CNTN5: variants seen among roughly 807,000 people sequenced by gnomAD.
CNTN5 encodes contactin 5, also known as contactin-5.
Under a neutral mutation model 129.1 loss-of-function variants are expected in CNTN5, and 77 were observed. That is an observed-to-expected ratio of 0.60 (90% CI 0.50 to 0.72). The LOEUF (loss-of-function observed/expected upper bound fraction) is 0.72. Among genes scored for constraint, CNTN5 ranks in the 30% least tolerant of loss-of-function variants. The pLI, the probability that CNTN5 is intolerant of heterozygous loss-of-function variation, is 0.00. For synonymous variants in CNTN5, 509 were observed against 465.6 expected (o/e 1.09, Z -1.20); for missense variants, 1,478 against 1,328.8 (o/e 1.11, Z -1.75).
At chr11:99,699,477 A>G (rs1292949334) in intron 3 of CNTN5, among the ~76,000 whole-genome samples, 2 of 151,484 alleles carry the variant, frequency 1.3e-5, no homozygotes, top group African/African-American at 4.8e-5. Context: ...AGACTTCCAG[A>G]TTTTATTATG....
At chr11:100,033,175 G>T (rs571610311) in intron 9 of CNTN5, among the ~76,000 whole-genome samples, 2 of 152,110 alleles carry the variant, frequency 1.3e-5, no homozygotes, top group South Asian at 2.1e-4. Context: ...GAGCCCAGAC[G>T]TGCAGACTAC....
chr11:100,246,786 A>C (rs1949850214), intron 16 of CNTN5, among the ~76,000 whole-genome samples: 2 of 152,168 alleles, frequency 1.3e-5, no homozygotes, highest in Admixed American at 1.3e-4. Context: ...CAAAAGTAAA[A>C]ACATGTATAA....
intron 2 of CNTN5, among the ~76,000 whole-genome samples, chr11:99,446,096 A>AC (rs572393650): frequency 0.021 from 3,149 of 149,868 alleles, 169 homozygotes; most frequent in East Asian, 0.14. Flanking sequence ...AAAAAAAAAA[A>AC]AAAAACAACC....
intron 21 of CNTN5, among the ~76,000 whole-genome samples, chr11:100,320,564 TTTTG>T (rs1184880863): frequency 3.9e-5 from 6 of 152,316 alleles, no homozygotes; most frequent in South Asian, 2.1e-4. Flanking sequence ...CATTTGGTTT[TTTTG>T]TTTGTTTGTT....
chr11:100,058,012 C>T (rs887609605), intron 9 of CNTN5, among the ~76,000 whole-genome samples: 1 of 152,040 alleles, frequency 6.6e-6, no homozygotes, highest in Non-Finnish European at 1.5e-5. Context: ...GCAGAGCTAC[C>T]TCTATACCCA....
At chr11:99,858,362 A>G (rs1043694933) in intron 6 of CNTN5, among the ~76,000 whole-genome samples, 3 of 152,084 alleles carry the variant, frequency 2.0e-5, no homozygotes, top group Non-Finnish European at 2.9e-5. Context: ...ATTATAATTC[A>G]TGGAATTTTT....
At chr11:99,483,083 G>A (rs2135319356) in intron 2 of CNTN5, among the ~76,000 whole-genome samples, 1 of 148,226 alleles carries the variant, frequency 6.7e-6, no homozygotes, top group Non-Finnish European at 1.5e-5. Context: ...GGCTGAGGCA[G>A]GAGAATGGCG....
intron 2 of CNTN5, among the ~76,000 whole-genome samples, chr11:99,330,148 AAAAG>A (rs1378587960): frequency 1.3e-5 from 2 of 150,040 alleles, no homozygotes; most frequent in African/African-American, 2.5e-5. Flanking sequence ...AGGAAACAAG[AAAAG>A]AAAGGAAGGA....
At chr11:99,777,438 A>G (rs1035545361) in intron 3 of CNTN5, among the ~76,000 whole-genome samples, 2 of 151,924 alleles carry the variant, frequency 1.3e-5, no homozygotes, top group African/African-American at 4.8e-5. Context: ...TAAATGCAAA[A>G]TTAAGAGAGT....
chr11:99,571,153 C>T (rs990264909), intron 3 of CNTN5, among the ~76,000 whole-genome samples: 51 of 152,172 alleles, frequency 3.4e-4, no homozygotes, highest in Admixed American at 1.8e-3. Flanking sequence ...AACTGTCCAG[C>T]TTGAGTAAGA....
intron 3 of CNTN5, among the ~76,000 whole-genome samples, chr11:99,640,695 T>G (rs1951738808): frequency 6.6e-6 from 1 of 152,232 alleles, no homozygotes; most frequent in African/African-American, 2.4e-5. Flanking sequence ...GTCCAGGTCT[T>G]TAGCCTAGAA....
intron 1 of CNTN5, among the ~76,000 whole-genome samples, chr11:99,111,184 A>T (rs1311152530): frequency 6.6e-6 from 1 of 152,150 alleles, no homozygotes; most frequent in East Asian, 1.9e-4. Flanking sequence ...TATTAAAACA[A>T]GCGTGGGATC....
At chr11:99,655,598 C>G (rs761956717) in intron 3 of CNTN5, among the ~76,000 whole-genome samples, 1 of 152,098 alleles carries the variant, frequency 6.6e-6, no homozygotes, top group Non-Finnish European at 1.5e-5. Flanking sequence ...CTCCCTTGAA[C>G]TGATCTTGGG....
At chr11:100,318,093 T>C (rs1951604351) in intron 21 of CNTN5, among the ~76,000 whole-genome samples, 1 of 151,700 alleles carries the variant, frequency 6.6e-6, no homozygotes, top group South Asian at 2.1e-4. Flanking sequence ...TACAAAAAAT[T>C]AGCCGGGCGC....
chr11:100,205,852 G>T (rs1230546741), intron 15 of CNTN5, among the ~76,000 whole-genome samples: 5 of 151,996 alleles, frequency 3.3e-5, no homozygotes, highest in African/African-American at 7.2e-5. Flanking sequence ...ATTGTGCTAT[G>T]CTGTCCTGAA....
At chr11:99,239,397 T>C (rs1861429019) in intron 1 of CNTN5, among the ~76,000 whole-genome samples, 1 of 152,220 alleles carries the variant, frequency 6.6e-6, no homozygotes, top group East Asian at 1.9e-4. Context: ...AAGTTTAGTC[T>C]CGAATCTAAG....
At chr11:99,290,227 T>C (rs1864112438) in intron 1 of CNTN5, among the ~76,000 whole-genome samples, 1 of 151,882 alleles carries the variant, frequency 6.6e-6, no homozygotes, top group African/African-American at 2.4e-5. Flanking sequence ...GTGTTGTCCT[T>C]GTTTAAAAGT....
chr11:99,513,872 A>C (rs956417402), intron 2 of CNTN5, among the ~76,000 whole-genome samples: 6 of 152,138 alleles, frequency 3.9e-5, no homozygotes, highest in African/African-American at 1.4e-4. Context: ...TAGCCCATGG[A>C]TCAAGGAGTA....
intron 3 of CNTN5, among the ~76,000 whole-genome samples, chr11:99,646,690 A>G (rs1211512762): frequency 2.0e-5 from 3 of 152,104 alleles, no homozygotes; most frequent in Non-Finnish European, 4.4e-5. Context: ...ATTCCTATTA[A>G]GTATATTGCC....
Sources: allele counts gnomAD v4.1 joint callset (sites outside exome capture counted in the v4.1 genomes callset), GRCh38; gene constraint gnomAD v4.1.1; transcripts MANE v1.5; gene names NCBI Gene and HGNC (gene_info 2026-07-23, HGNC 2026-07-21).